Variants in HMCN1 observed in about 807,000 individuals in gnomAD.
HMCN1 encodes hemicentin-1.
HMCN1 carries 321 observed loss-of-function variants against 625.9 expected under a neutral mutation model. The observed-to-expected ratio is 0.51, with a 90% CI of 0.47 to 0.56. The LOEUF (loss-of-function observed/expected upper bound fraction) is 0.56, where lower values mean the gene tolerates loss of function less well. Among genes scored for constraint, HMCN1 ranks in the 20% least tolerant of loss-of-function variants. The pLI is 0.00. For missense variants in HMCN1, 6,588 were observed against 6,887.3 expected (o/e 0.96, Z 1.54); for synonymous variants, 2,425 against 2,417.6 (o/e 1.00, Z -0.09).
At chr1:185,924,788 A>G (rs1292193056) in intron 8 of HMCN1, among the ~76,000 whole-genome samples, 2 of 152,084 alleles carry the variant, frequency 1.3e-5, no homozygotes, top group South Asian at 2.1e-4. Context: ...ACAAAAAAAT[A>G]CTATGTCTTA....
chr1:186,038,655 T>C (rs1396643888), intron 37 of HMCN1, among the ~76,000 whole-genome samples, 174 bp from the exon 38 acceptor site: 2 of 152,178 alleles, frequency 1.3e-5, no homozygotes, highest in East Asian at 3.9e-4. Context: ...TCTTGGTGTT[T>C]TTCTAAGGGT....
intron 4 of HMCN1, among the ~76,000 whole-genome samples, chr1:185,883,079 A>G (rs1232483780): frequency 6.6e-6 from 1 of 152,112 alleles, no homozygotes; most frequent in Non-Finnish European, 1.5e-5. Flanking sequence ...TTCAATTACT[A>G]TGCTTTTGAA....
intron 30 of HMCN1, among the ~76,000 whole-genome samples, chr1:186,012,364 C>T (rs978392128): frequency 6.6e-5 from 10 of 151,646 alleles, no homozygotes; most frequent in South Asian, 2.1e-4. Context: ...GTTTCACAGA[C>T]GGCTCTAAGA....
In HMCN1 at chr1:185,993,279, G is replaced by A. The variant is rs772396190; in HGVS notation, c.3475G>A (p.Val1159Met). ...LCVATNIAGN[V>M]TQAVKLNVHV... ...TGTTGCCACAAATATTGCTGGGAAT[G>A]TGACTCAGGCTGTCAAATTAAATGT... Residue 1159 changes from valine (V) to methionine (M), a missense_variant, in exon 23 of 107, where the codon GTG becomes ATG. This residue lies in a region of HMCN1 where 4,628 missense variants were observed against 4,853.1 expected (regional missense o/e 0.95). Coordinates refer to ENST00000271588, the MANE Select transcript of HMCN1 (RefSeq NM_031935.3). 1 of 1,613,118 alleles carries A rather than the reference G, an allele frequency of 6.2e-7. No homozygotes were observed. The highest frequency in any genetic ancestry group is 1.1e-5 in the South Asian group (1 of 91,070).
chr1:185,932,781 G>A (rs143391859), intron 10 of HMCN1, among the ~76,000 whole-genome samples: 4,327 of 152,054 alleles, frequency 0.028, 199 homozygotes, highest in African/African-American at 0.1. Context: ...AAACCACCAT[G>A]GCACACGTAT....
chr1:185,925,498 A>ATGAAAATGATGTTAAGTACAGAATTT (rs1667231678), intron 9 of HMCN1, among the ~76,000 whole-genome samples: 1 of 152,244 alleles, frequency 6.6e-6, no homozygotes, highest in Non-Finnish European at 1.5e-5. Context: ...ATACAGAATT[A>ATGAAAATGATGTTAAGTACAGAATTT]TGAAAATGAT....
chr1:185,978,256 T>C, intron 16 of HMCN1: 1 of 349,766 alleles, frequency 2.9e-6, no homozygotes, highest in East Asian at 5.9e-5. Context: ...GCAAATAGAG[T>C]CATCTGAGCC....
chr1:186,131,530 C>T (rs1300810365), intron 85 of HMCN1, among the ~76,000 whole-genome samples: 1 of 152,118 alleles, frequency 6.6e-6, no homozygotes, highest in Non-Finnish European at 1.5e-5. Context: ...TGAAACTCTT[C>T]CATTTCCAGC....
intron 1 of HMCN1, among the ~76,000 whole-genome samples, chr1:185,761,739 A>T (rs1655518680): frequency 6.6e-6 from 1 of 152,188 alleles, no homozygotes; most frequent in South Asian, 2.1e-4. Flanking sequence ...CTTTGTCTAG[A>T]CAGGTAAACC....
chr1:186,027,499 T>G (rs912417132), intron 36 of HMCN1, among the ~76,000 whole-genome samples: 1 of 152,196 alleles, frequency 6.6e-6, no homozygotes, highest in South Asian at 2.1e-4. Context: ...AAATTTACTT[T>G]TTTATATTGC....
chr1:185,963,643 T>G (rs1191555979), intron 12 of HMCN1, 125 bp from the exon 13 acceptor site: 1 of 701,978 alleles, frequency 1.4e-6, no homozygotes. Flanking sequence ...TAACCATTTC[T>G]GCAATCGACA....
intron 1 of HMCN1, among the ~76,000 whole-genome samples, chr1:185,843,997 TTATGA>T (rs1661652097): frequency 1.3e-5 from 2 of 152,228 alleles, no homozygotes; most frequent in African/African-American, 4.8e-5. Context: ...ACACTCTTTA[TTATGA>T]TATAATTGTT....
At chr1:186,147,112 AT>A (rs1465201107) in intron 93 of HMCN1, among the ~76,000 whole-genome samples, 1 of 152,158 alleles carries the variant, frequency 6.6e-6, no homozygotes, top group African/African-American at 2.4e-5. Flanking sequence ...CATGGCTTCC[AT>A]TACTCTCTAC....
chr1:185,793,063 T>C (rs1658111912), intron 1 of HMCN1, among the ~76,000 whole-genome samples: 1 of 152,196 alleles, frequency 6.6e-6, no homozygotes, highest in Non-Finnish European at 1.5e-5. Flanking sequence ...TGGTTTTGTG[T>C]AGATACATTT....
intron 4 of HMCN1, among the ~76,000 whole-genome samples, chr1:185,899,049 T>A (rs1558050847): frequency 6.6e-6 from 1 of 152,038 alleles, no homozygotes; most frequent in Non-Finnish European, 1.5e-5. Context: ...TCCAAGTCTC[T>A]AAAAAGGGTA....
chr1:185,837,352 T>TC (rs1387079445), intron 1 of HMCN1, among the ~76,000 whole-genome samples: 2 of 152,050 alleles, frequency 1.3e-5, no homozygotes, highest in African/African-American at 4.8e-5. Flanking sequence ...TGCATCTCTT[T>TC]CACTATGACT....
intron 11 of HMCN1, among the ~76,000 whole-genome samples, chr1:185,950,749 G>A (rs1462166695): frequency 6.6e-6 from 1 of 151,866 alleles, no homozygotes; most frequent in Non-Finnish European, 1.5e-5. Flanking sequence ...TGGGATTAAG[G>A]GTGCAAAGGA....
At chr1:186,102,627 A>G (rs1649137170) in intron 68 of HMCN1, among the ~76,000 whole-genome samples, 1 of 152,150 alleles carries the variant, frequency 6.6e-6, no homozygotes, top group Non-Finnish European at 1.5e-5. Context: ...ATCTTCTGCT[A>G]TGAGTCACTG....
intron 93 of HMCN1, among the ~76,000 whole-genome samples, chr1:186,146,572 T>C (rs1650331920): frequency 6.6e-6 from 1 of 152,124 alleles, no homozygotes; most frequent in Non-Finnish European, 1.5e-5. Context: ...TCTCCAAAGC[T>C]TTAAGGTCTT....
Sources: allele counts gnomAD v4.1 joint callset (sites outside exome capture counted in the v4.1 genomes callset), GRCh38; gene constraint gnomAD v4.1.1; regional missense constraint gnomAD v4.1.1; transcripts MANE v1.5; gene names NCBI Gene and HGNC (gene_info 2026-07-23, HGNC 2026-07-21).